Variants in PDK1 observed in about 807,000 individuals in gnomAD.
The protein encoded by PDK1 is pyruvate dehydrogenase kinase 1.
In PDK1, 39 loss-of-function variants were observed where a neutral mutation model predicts 54.2. The observed-to-expected ratio is 0.72, with a 90% confidence interval of 0.56 to 0.94. The LOEUF (loss-of-function observed/expected upper bound fraction) is 0.94, where lower values mean the gene tolerates loss of function less well. Among genes scored for constraint, PDK1 ranks in the 40% least tolerant of loss-of-function variants. The probability of loss-of-function intolerance (pLI) is 0.00; values close to 1 mark genes in which losing one functional copy is unlikely to be tolerated. For missense variants in PDK1, 552 were observed against 566.0 expected, an observed-to-expected ratio of 0.98 and a Z score of 0.25; for synonymous variants, 221 against 207.1, an observed-to-expected ratio of 1.07 and a Z score of -0.58.
At chr2:172,700,897 G>C in the PDK1 span, among the ~76,000 whole-genome samples, 2 of 152,134 alleles carry the variant, frequency 1.3e-5, no homozygotes, top group Non-Finnish European at 2.9e-5. Flanking sequence ...CAGGCACTCC[G>C]CATGCCGAGG....
Position 172,602,825 on chromosome 2 carries a change from C to T in PDK1, c.*6856C>T, listed in dbSNP as rs1683931196. 6.6e-6 allele frequency: 1 copy of T among 152,098 alleles called. No homozygotes were observed. Among genetic ancestry groups the T allele is most frequent in the Non-Finnish European group, 1.5e-5 (1 of 68,020 alleles). 9.4% of individuals were successfully genotyped at this position (152,098 alleles called of 1,614,324 possible). Reference sequence around the variant, plus strand: ...AATCTTCCTTTGGAGAAAAAGGTCCCTTTAATCTTAAAACCAACTCTCAGT... The same window carrying T: ...AATCTTCCTTTGGAGAAAAAGGTCCTTTTAATCTTAAAACCAACTCTCAGT... On this transcript the variant is annotated 3_prime_UTR_variant, in exon 11 of 11. Transcript: ENST00000282077.
downstream of PDK1, among the ~76,000 whole-genome samples, chr2:172,613,103 C>T (rs1236256915): frequency 6.6e-6 from 1 of 152,228 alleles, no homozygotes; most frequent in Non-Finnish European, 1.5e-5. Flanking sequence ...GGAAGCAGTA[C>T]TGGGCATAGA....
At chr2:172,649,596 C>G in the PDK1 span, among the ~76,000 whole-genome samples, 1 of 152,004 alleles carries the variant, frequency 6.6e-6, no homozygotes, top group African/African-American at 2.4e-5. Context: ...TGAAAAAAAA[C>G]TTAGATGAAT....
At chr2:172,667,701 T>G in the PDK1 span, among the ~76,000 whole-genome samples, 1 of 152,234 alleles carries the variant, frequency 6.6e-6, no homozygotes, top group Non-Finnish European at 1.5e-5. Context: ...CATAAGGTAA[T>G]TCTGTATTCT....
At chr2:172,722,988 T>C in the PDK1 span, among the ~76,000 whole-genome samples, 1 of 152,038 alleles carries the variant, frequency 6.6e-6, no homozygotes, top group Non-Finnish European at 1.5e-5. Flanking sequence ...AAGGCACACA[T>C]ACTGCTTCCA....
chr2:172,566,804 A>C, intron 5 of PDK1, 52 bp from the exon 6 acceptor site: 2 of 1,187,322 alleles, frequency 1.7e-6, no homozygotes, highest in Non-Finnish European at 2.5e-6. Context: ...TAATGCGTGA[A>C]AGAGAAGTAT....
intron 9 of PDK1, among the ~76,000 whole-genome samples, chr2:172,591,568 G>C (rs1284605947): frequency 6.6e-6 from 1 of 152,160 alleles, no homozygotes; most frequent in Non-Finnish European, 1.5e-5. Flanking sequence ...TAATGAAGTA[G>C]ATAAACTGGC....
intron 1 of PDK1, 49 bp downstream of exon 1, chr2:172,556,395 G>C: frequency 7.6e-7 from 1 of 1,318,440 alleles, no homozygotes; most frequent in Non-Finnish European, 9.8e-7. Context: ...CCCGGGCGGG[G>C]AGCTGCGGCC....
rs1327132768 is a variant in PDK1 at position 172,599,789 on chromosome 2, G to A, written c.*3820G>A. The A allele has an allele frequency of 6.6e-6, 1 of 152,090 alleles. No individual in the cohort carries two copies. The highest frequency in any genetic ancestry group is 1.5e-5 in the Non-Finnish European group (1 of 68,010). The allele number at this position is 152,090 out of a possible 1,614,324, so 9.4% of individuals were successfully genotyped here. A position where few individuals can be genotyped will look rare whatever the true frequency, so the allele number is the denominator to read the frequency against. Reference sequence around the variant, plus strand: ...AGTTCTTTAGCAATTGCTAACCATAGGTTTTTAATAGCAAAAGACAAGATT... The same window carrying A: ...AGTTCTTTAGCAATTGCTAACCATAAGTTTTTAATAGCAAAAGACAAGATT... On this transcript the variant is annotated 3_prime_UTR_variant, in exon 11 of 11. Transcript: ENST00000282077.
rs148998989 is a variant in PDK1 at position 172,557,150 on chromosome 2, CTG to C, written c.196+807_196+808del. On this transcript the variant is annotated intron_variant, in intron 1 of 10. Transcript: ENST00000282077. Reference sequence around the variant, plus strand: ...CATGGTTGGCAACTTTGTCTTAAAACTGTGGTTTGTAGTGGCATAATTTTTGG... The same window carrying C: ...CATGGTTGGCAACTTTGTCTTAAAACTGGTTTGTAGTGGCATAATTTTTGG... 9.0e-3 allele frequency among the ~76,000 whole-genome samples: 1,367 copies of C among 152,308 alleles called. 28 individuals carry two copies. The highest frequency in any genetic ancestry group is 0.032 in the African/African-American group (1,317 of 41,556).
At chr2:172,722,540 A>G in the PDK1 span, among the ~76,000 whole-genome samples, 2 of 152,238 alleles carry the variant, frequency 1.3e-5, no homozygotes, top group Non-Finnish European at 2.9e-5. Context: ...TAAAGATTTC[A>G]TCTGATGTAT....
At chr2:172,560,635 A>G (rs1449586981) in intron 2 of PDK1, among the ~76,000 whole-genome samples, 1 of 152,236 alleles carries the variant, frequency 6.6e-6, no homozygotes, top group Non-Finnish European at 1.5e-5. Context: ...ATGTATTTTT[A>G]ATAAACTGTG....
the PDK1 span, among the ~76,000 whole-genome samples, chr2:172,673,461 A>G: frequency 6.6e-6 from 1 of 152,138 alleles, no homozygotes; most frequent in Non-Finnish European, 1.5e-5. Context: ...TTTTCTATCT[A>G]TTGGGAAACT....
chr2:172,639,108 C>A, the PDK1 span, among the ~76,000 whole-genome samples: 54 of 152,302 alleles, frequency 3.5e-4, no homozygotes, highest in Admixed American at 3.9e-4. Context: ...TCAAGTGATC[C>A]TTTCACTTCA....
At chr2:172,658,716 G>C in the PDK1 span, among the ~76,000 whole-genome samples, 1 of 152,134 alleles carries the variant, frequency 6.6e-6, no homozygotes, top group Non-Finnish European at 1.5e-5. Flanking sequence ...CGCTCTGAGA[G>C]TATCTGTCTT....
the PDK1 span, among the ~76,000 whole-genome samples, chr2:172,664,694 A>G: frequency 2.0e-5 from 3 of 152,080 alleles, no homozygotes; most frequent in Non-Finnish European, 4.4e-5. Flanking sequence ...CCTGTCTTCC[A>G]TGTCTGCTAC....
At chr2:172,560,305 A>C (rs903305247) in intron 2 of PDK1, among the ~76,000 whole-genome samples, 1 of 152,230 alleles carries the variant, frequency 6.6e-6, no homozygotes, top group Non-Finnish European at 1.5e-5. Flanking sequence ...AGCTGGGACC[A>C]CAGCCATGCG....
intron 1 of PDK1, 120 bp from the exon 2 acceptor site, chr2:172,558,588 T>C (rs1311153727): frequency 2.5e-6 from 2 of 811,810 alleles, no homozygotes; most frequent in East Asian, 2.6e-5. Context: ...CCCTGCCCCA[T>C]CGTGGTGATT....
the PDK1 span, among the ~76,000 whole-genome samples, chr2:172,662,520 A>G: frequency 6.7e-5 from 1 of 14,906 alleles, no homozygotes; most frequent in East Asian, 1.8e-3. Flanking sequence ...GTGTGTGTGT[A>G]AAAGAGCATT....
Sources: gnomAD v4.1 joint callset for allele counts (sites outside exome capture counted in the v4.1 genomes callset) on GRCh38, gnomAD v4.1.1 for gene constraint, MANE v1.5 for transcripts, NCBI Gene and HGNC (gene_info 2026-07-23, HGNC 2026-07-21) for gene names.